DTD1: variants seen among roughly 807,000 people sequenced by gnomAD.
The protein encoded by DTD1 is D-tyrosyl-tRNA deacylase 1 homolog.
In DTD1, 13 loss-of-function variants were observed where a neutral mutation model predicts 25.6. The ratio of observed to expected loss-of-function variants is 0.51; its 90% CI spans 0.33 to 0.81. The LOEUF (loss-of-function observed/expected upper bound fraction) is 0.81. Among genes scored for constraint, DTD1 ranks in the 30% least tolerant of loss-of-function variants. The probability of loss-of-function intolerance (pLI) is 0.02; values close to 1 mark genes in which losing one functional copy is unlikely to be tolerated. For synonymous variants in DTD1, 110 were observed against 103.6 expected (o/e 1.06, Z -0.37); for missense variants, 193 against 266.4 (o/e 0.72, Z 1.92).
At chr20:18,668,303 A>G (rs1439166479) in intron 4 of DTD1, among the ~76,000 whole-genome samples, 1 of 152,164 alleles carries the variant, frequency 6.6e-6, no homozygotes, top group Admixed American at 6.5e-5. Flanking sequence ...TGGACAAGCT[A>G]TTTTGAATTT....
At chr20:18,682,524 A>C (rs1040083398) in intron 4 of DTD1, among the ~76,000 whole-genome samples, 12 of 150,936 alleles carry the variant, frequency 8.0e-5, no homozygotes, top group Non-Finnish European at 1.6e-4. Flanking sequence ...TGAGTGTAGA[A>C]GCAGTGGTCC....
At chr20:18,736,885 C>A (rs951240726) in intron 4 of DTD1, among the ~76,000 whole-genome samples, 1 of 152,072 alleles carries the variant, frequency 6.6e-6, no homozygotes, top group Non-Finnish European at 1.5e-5. Context: ...CTGTCCTGTC[C>A]ATTCATTTCT....
At chr20:18,695,024 C>T (rs1205720284) in intron 4 of DTD1, among the ~76,000 whole-genome samples, 1 of 152,100 alleles carries the variant, frequency 6.6e-6, no homozygotes, top group East Asian at 1.9e-4. Context: ...TCATGACCAG[C>T]ATGAAAAACA....
intron 3 of DTD1, among the ~76,000 whole-genome samples, chr20:18,596,700 T>TA (rs1240958783): frequency 6.6e-6 from 1 of 152,068 alleles, no homozygotes; most frequent in African/African-American, 2.4e-5. Flanking sequence ...ATGTAGTCGT[T>TA]ATAAACAATG....
intron 4 of DTD1, among the ~76,000 whole-genome samples, chr20:18,687,094 A>C (rs144293087): frequency 1.3e-5 from 2 of 152,218 alleles, no homozygotes; most frequent in Non-Finnish European, 2.9e-5. Context: ...GGTGATGGAG[A>C]AAATTCAGGC....
rs967837721 is a variant in DTD1 at position 18,716,532 on chromosome 20, C to T, written c.478-27568C>T. On this transcript the variant is annotated intron_variant, in intron 4 of 5. Transcript: ENST00000377452. ...CACAGAAGGAGTAAATCTAAACTGACGGAGGCACTTAGGGCTTTATTTTTT... is the reference window on the plus strand; with the variant it reads ...CACAGAAGGAGTAAATCTAAACTGATGGAGGCACTTAGGGCTTTATTTTTT... Among the ~76,000 whole-genome samples the T allele has an allele frequency of 6.6e-5, 10 of 152,186 alleles. No homozygotes were observed. The South Asian group carries it at 1.0e-3, about 16-fold the overall frequency.
intron 4 of DTD1, among the ~76,000 whole-genome samples, chr20:18,661,624 G>A (rs1233078096): frequency 6.6e-6 from 1 of 152,150 alleles, no homozygotes; most frequent in Non-Finnish European, 1.5e-5. Context: ...GCCCGCCTTG[G>A]CCTCCCAAAG....
intron 4 of DTD1, among the ~76,000 whole-genome samples, chr20:18,678,192 G>A (rs1300541012): frequency 6.6e-6 from 1 of 152,248 alleles, no homozygotes; most frequent in East Asian, 1.9e-4. Flanking sequence ...GCGACCTGAT[G>A]TAGATAGCCT....
chr20:18,669,904 C>T (rs6075390), intron 4 of DTD1, among the ~76,000 whole-genome samples: 54,999 of 152,054 alleles, frequency 0.36, 10,270 homozygotes, highest in Non-Finnish European at 0.41. Flanking sequence ...GATCAAACTT[C>T]AGGCGAGCCA....
intron 1 of DTD1, among the ~76,000 whole-genome samples, chr20:18,591,611 C>T (rs899065836): frequency 1.3e-5 from 2 of 151,966 alleles, no homozygotes; most frequent in Non-Finnish European, 2.9e-5. Flanking sequence ...TATTAAAGTA[C>T]TTACCTTTGT....
intron 4 of DTD1, among the ~76,000 whole-genome samples, chr20:18,667,430 G>A (rs1568663140): frequency 6.6e-6 from 1 of 152,160 alleles, no homozygotes; most frequent in Non-Finnish European, 1.5e-5. Context: ...CTGAAAGATC[G>A]CTGATGGGCC....
chr20:18,733,351 T>A (rs1455003947), intron 4 of DTD1, among the ~76,000 whole-genome samples: 2 of 152,146 alleles, frequency 1.3e-5, no homozygotes, highest in Non-Finnish European at 2.9e-5. Context: ...GGTGCTCAGG[T>A]AGGAGGCTGT....
chr20:18,756,094 C>A (rs1004133653), intron 5 of DTD1, among the ~76,000 whole-genome samples: 3 of 151,944 alleles, frequency 2.0e-5, no homozygotes, highest in Non-Finnish European at 2.9e-5. Context: ...TGTTCATATC[C>A]TTCGCCCACT....
chr20:18,637,894 C>G (rs1044509872), intron 4 of DTD1, among the ~76,000 whole-genome samples: 1 of 152,194 alleles, frequency 6.6e-6, no homozygotes, highest in Non-Finnish European at 1.5e-5. Context: ...TGTGTCTCTG[C>G]TCATCCACCT....
chr20:18,746,164 G>A (rs1035115204), intron 5 of DTD1, among the ~76,000 whole-genome samples: 5 of 152,156 alleles, frequency 3.3e-5, no homozygotes, highest in Non-Finnish European at 5.9e-5. Context: ...GATGCCAGTC[G>A]TCTGCTGAGT....
In DTD1 at chr20:18,626,745, GTTCTA is replaced by G. The variant is rs146731961; in HGVS notation, c.371-1377_371-1373del. 5.5e-3 allele frequency among the ~76,000 whole-genome samples: 831 copies of G among 151,886 alleles called. 6 individuals are homozygous for G. Among genetic ancestry groups the G allele is most frequent in the African/African-American group, 0.019 (792 of 41,248 alleles). ...TGTACGGATGGAAATTCACATAATA[GTTCTA>G]TTCTTAACTGAAGAAAAACAGGAAA... On this transcript the variant is annotated intron_variant, in intron 3 of 5. Coordinates refer to ENST00000377452, the MANE Select transcript of DTD1 (RefSeq NM_080820.6).
intron 3 of DTD1, among the ~76,000 whole-genome samples, chr20:18,620,683 C>T (rs919902418): frequency 1.3e-5 from 2 of 152,078 alleles, no homozygotes; most frequent in African/African-American, 4.8e-5. Context: ...TAGCCTTGAG[C>T]TCCTGGGCTC....
At chr20:18,731,941 G>A (rs1053622431) in intron 4 of DTD1, among the ~76,000 whole-genome samples, 6 of 152,136 alleles carry the variant, frequency 3.9e-5, no homozygotes, top group African/African-American at 1.4e-4. Flanking sequence ...GTGCCCCTCT[G>A]TGGAGCCCAC....
chr20:18,591,464 A>G (rs1415257323), intron 1 of DTD1, among the ~76,000 whole-genome samples: 1 of 152,198 alleles, frequency 6.6e-6, no homozygotes, highest in Non-Finnish European at 1.5e-5. Flanking sequence ...AAAGGTGTTT[A>G]GGAAAAGGTT....
Sources: allele counts gnomAD v4.1 joint callset (sites outside exome capture counted in the v4.1 genomes callset), GRCh38; gene constraint gnomAD v4.1.1; transcripts MANE v1.5; gene names NCBI Gene and HGNC (gene_info 2026-07-23, HGNC 2026-07-21).